Variants in SPATS2 observed in about 807,000 individuals in gnomAD.
SPATS2 encodes the protein spermatogenesis-associated serine-rich protein 2.
SPATS2 carries 38 observed loss-of-function variants against 63.7 expected under a neutral mutation model. The observed-to-expected ratio is 0.60, with a 90% CI of 0.46 to 0.78. SPATS2 has a LOEUF of 0.78. Among genes scored for constraint, SPATS2 ranks in the 30% least tolerant of loss-of-function variants. SPATS2 has a pLI of 0.00. For synonymous variants in SPATS2, 207 were observed against 232.9 expected, an observed-to-expected ratio of 0.89 and a Z score of 1.01; for missense variants, 588 against 666.2, an observed-to-expected ratio of 0.88 and a Z score of 1.29.
chr12:49,497,097 G>T, intron 8 of SPATS2, 88 bp downstream of exon 8: 1 of 1,279,812 alleles, frequency 7.8e-7, no homozygotes, highest in South Asian at 1.5e-5. Flanking sequence ...CATAAATAAG[G>T]TTTCAGAAGG....
chr12:49,418,431 C>G (rs1944928186), intron 2 of SPATS2, among the ~76,000 whole-genome samples: 2 of 152,016 alleles, frequency 1.3e-5, no homozygotes, highest in African/African-American at 4.8e-5. Flanking sequence ...TCCCTAGTAG[C>G]TGGGATTACA....
chr12:49,375,456 C>T (rs1231980361), intron 2 of SPATS2, among the ~76,000 whole-genome samples: 1 of 152,118 alleles, frequency 6.6e-6, no homozygotes, highest in Non-Finnish European at 1.5e-5. Context: ...AGTACTTTTC[C>T]TTACATTATC....
chr12:49,465,819 G>C (rs186109815), intron 3 of SPATS2, among the ~76,000 whole-genome samples: 4 of 151,912 alleles, frequency 2.6e-5, no homozygotes, highest in Non-Finnish European at 5.9e-5. Flanking sequence ...TGGCGGGTGC[G>C]TGTAATCCCA....
At chr12:49,385,334 CTGTG>C (rs1277877612) in intron 2 of SPATS2, among the ~76,000 whole-genome samples, 2 of 141,658 alleles carry the variant, frequency 1.4e-5, no homozygotes, top group Admixed American at 7.1e-5. Flanking sequence ...GAGGGGGAGA[CTGTG>C]TGAGCATGTA....
intron 2 of SPATS2, among the ~76,000 whole-genome samples, chr12:49,426,823 G>A (rs558637656): frequency 8.7e-4 from 132 of 152,230 alleles, no homozygotes; most frequent in Middle Eastern, 6.8e-3. Flanking sequence ...GATTACAGGC[G>A]TGAGCCACCG....
chr12:49,412,092 A>G (rs756978003), intron 2 of SPATS2, among the ~76,000 whole-genome samples: 31 of 152,170 alleles, frequency 2.0e-4, no homozygotes, highest in Non-Finnish European at 3.5e-4. Flanking sequence ...GTTAGTGATG[A>G]TTATTTTAGT....
intron 2 of SPATS2, among the ~76,000 whole-genome samples, chr12:49,425,813 G>A (rs1945065253): frequency 6.6e-6 from 1 of 151,446 alleles, no homozygotes; most frequent in Non-Finnish European, 1.5e-5. Flanking sequence ...TGTATTTTTA[G>A]TAGAGACGGG....
chr12:49,513,327 C>G (rs139584655), intron 9 of SPATS2, among the ~76,000 whole-genome samples: 13 of 152,052 alleles, frequency 8.5e-5, no homozygotes, highest in Middle Eastern at 6.8e-3. Flanking sequence ...GAATGAACTC[C>G]AAATTTGAAG....
chr12:49,387,803 A>G (rs553061301), intron 2 of SPATS2, among the ~76,000 whole-genome samples: 1 of 151,960 alleles, frequency 6.6e-6, no homozygotes, highest in African/African-American at 2.4e-5. Context: ...GTGGGGAGGG[A>G]GCAGGGGCGT....
chr12:49,506,683 C>T (rs867605051), intron 9 of SPATS2, among the ~76,000 whole-genome samples: 1 of 151,990 alleles, frequency 6.6e-6, no homozygotes, highest in Non-Finnish European at 1.5e-5. Context: ...CCCGTCTTTA[C>T]AGAAAGTAAC....
chr12:49,389,606 G>C, intron 2 of SPATS2: 1 of 1,108,072 alleles, frequency 9.0e-7, no homozygotes, highest in Non-Finnish European at 1.4e-6. Context: ...AACTCTGATT[G>C]AGCAAACCAC....
intron 7 of SPATS2, among the ~76,000 whole-genome samples, chr12:49,496,374 AATACCTGGG>A (rs1412671351): frequency 6.6e-6 from 1 of 152,222 alleles, no homozygotes; most frequent in African/African-American, 2.4e-5. Context: ...CAGCTTCCTG[AATACCTGGG>A]ATTACTGGCG....
intron 2 of SPATS2, among the ~76,000 whole-genome samples, chr12:49,394,328 G>A (rs1944470416): frequency 7.7e-6 from 1 of 130,082 alleles, no homozygotes; most frequent in Admixed American, 8.3e-5. Flanking sequence ...AACAGAGCAA[G>A]ACCTTGTCTC....
chr12:49,376,092 AT>A (rs749954777), intron 2 of SPATS2, among the ~76,000 whole-genome samples: 9,817 of 81,020 alleles, frequency 0.12, 690 homozygotes, highest in African/African-American at 0.26. Flanking sequence ...ACCTGGCCTG[AT>A]TTTTTTTTTT....
intron 11 of SPATS2, among the ~76,000 whole-genome samples, chr12:49,522,508 G>C (rs1946958069): frequency 6.6e-6 from 1 of 152,092 alleles, no homozygotes; most frequent in African/African-American, 2.4e-5. Context: ...AGTTTCTCTT[G>C]ATTATATCTA....
intron 2 of SPATS2, among the ~76,000 whole-genome samples, chr12:49,398,556 T>A (rs745499141): frequency 2.0e-5 from 3 of 152,176 alleles, no homozygotes; most frequent in Non-Finnish European, 4.4e-5. Flanking sequence ...GGTTTCTTGT[T>A]TGGGAGACCA....
chr12:49,377,321 G>A (rs760320399), intron 2 of SPATS2, among the ~76,000 whole-genome samples: 4 of 152,052 alleles, frequency 2.6e-5, no homozygotes, highest in Non-Finnish European at 4.4e-5. Context: ...TGTAATTTGG[G>A]AGCACAGGGA....
chr12:49,375,139 GGA>G (rs1314234201), intron 2 of SPATS2, among the ~76,000 whole-genome samples: 2 of 104,950 alleles, frequency 1.9e-5, no homozygotes, highest in African/African-American at 3.5e-5. Context: ...TGCAAGTTGT[GGA>G]GTGTGTGTGT....
chr12:49,406,349 A>G (rs538152631), intron 2 of SPATS2: 2 of 151,918 alleles, frequency 1.3e-5, no homozygotes, highest in Non-Finnish European at 2.9e-5. Context: ...CAGCAGTGCA[A>G]TCACAGCTTA....
Sources: gnomAD v4.1 joint callset for allele counts (sites outside exome capture counted in the v4.1 genomes callset) on GRCh38, gnomAD v4.1.1 for gene constraint, MANE v1.5 for transcripts, NCBI Gene and HGNC (gene_info 2026-07-23, HGNC 2026-07-21) for gene names.